Variants in TPTE2 observed in about 807,000 individuals in gnomAD.
TPTE2 encodes the protein phosphatidylinositol 3,4,5-trisphosphate 3-phosphatase TPTE2.
A neutral mutation model predicts 78.6 loss-of-function variants in TPTE2; 53 were observed. The observed-to-expected ratio is 0.67, with a 90% CI of 0.54 to 0.85. TPTE2 has a LOEUF of 0.85. Ranked by LOEUF, TPTE2 falls within the 40% of genes least tolerant of loss-of-function variation. TPTE2 has a pLI of 0.00. For missense variants in TPTE2, 461 were observed against 623.0 expected (o/e 0.74, Z 2.77); for synonymous variants, 175 against 206.2 (o/e 0.85, Z 1.30).
In TPTE2 at chr13:19,422,996, A is replaced by G. The variant is rs933419110; in HGVS notation, c.*66T>C. On this transcript the variant is annotated 3_prime_UTR_variant, in exon 20 of 20. Coordinates refer to ENST00000400230, the Ensembl canonical transcript of TPTE2. ...ATGTGGCAGGGGTTGGAAAGAACAT[A>G]ATTCTTTCCCAGAAGGGGAAGGGGG... The G allele has an allele frequency of 1.9e-6, 3 of 1,585,344 alleles. No individual in the cohort carries two copies. In the African/African-American group the frequency reaches 4.1e-5, roughly 21 times the overall value.
At chr13:19,503,542 A>C (rs1868766098), upstream of TPTE2, among the ~76,000 whole-genome samples, 1 of 151,042 alleles carries the variant, frequency 6.6e-6, no homozygotes, top group Admixed American at 6.7e-5. Flanking sequence ...CCAATGCGTG[A>C]CAGCCTTTGT....
chr13:19,432,571 T>A (rs1249723322), exon 16 of TPTE2: 1 of 1,596,506 alleles, frequency 6.3e-7, no homozygotes, highest in Non-Finnish European at 8.6e-7. Flanking sequence ...ATATCCAACA[T>A]ATCTATTCTG....
chr13:19,434,556 A>G (rs1946810678), intron 15 of TPTE2, among the ~76,000 whole-genome samples: 1 of 152,012 alleles, frequency 6.6e-6, no homozygotes, highest in East Asian at 1.9e-4. Context: ...TTCACCTATC[A>G]CTTTTAGCTT....
rs953907619 is a variant in TPTE2 at position 19,451,048 on chromosome 13, T to C, written c.802+117A>G. The C allele has an allele frequency of 8.0e-6, 10 of 1,257,560 alleles. No individual in the cohort carries two copies. The African/African-American group carries it at 1.5e-4, about 19-fold the overall frequency. 77.9% of individuals were successfully genotyped at this position (1,257,560 alleles called of 1,614,324 possible). On this transcript the variant is annotated intron_variant, in intron 11 of 19. Coordinates refer to ENST00000400230, the Ensembl canonical transcript of TPTE2. Reference sequence around the variant, plus strand: ...TCCAAGATGGGGATTTTTAAATTCATTCCTTGCCACTACCAAATACTTATG... The same window carrying C: ...TCCAAGATGGGGATTTTTAAATTCACTCCTTGCCACTACCAAATACTTATG...
At chr13:19,540,081 T>C (rs562799839), upstream of TPTE2, among the ~76,000 whole-genome samples, 3 of 151,632 alleles carry the variant, frequency 2.0e-5, no homozygotes, top group Admixed American at 2.0e-4. Context: ...GAGGTGGAGG[T>C]TGCAGTGAGC....
chr13:19,436,279 G>C, exon 15 of TPTE2: 2 of 1,613,010 alleles, frequency 1.2e-6, no homozygotes, highest in Admixed American at 1.7e-5. Flanking sequence ...TTATTGGTTC[G>C]CCTTTCTCCA....
chr13:19,516,425 G>A (rs1327081549), intron 1 of TPTE2, among the ~76,000 whole-genome samples: 1 of 152,040 alleles, frequency 6.6e-6, no homozygotes, highest in Admixed American at 6.6e-5. Flanking sequence ...TCAAGCATTG[G>A]GTGTCATCTC....
chr13:19,464,762 T>TA (rs1879156660), intron 9 of TPTE2, among the ~76,000 whole-genome samples: 1 of 152,232 alleles, frequency 6.6e-6, no homozygotes, highest in Non-Finnish European at 1.5e-5. Context: ...GCCATGTACT[T>TA]ATGATGGCCT....
intron 4 of TPTE2, among the ~76,000 whole-genome samples, chr13:19,479,722 G>T (rs1253101902): frequency 6.6e-6 from 1 of 152,098 alleles, no homozygotes; most frequent in African/African-American, 2.4e-5. Context: ...CCAGCACTTT[G>T]GGTGGCCAAG....
intron 14 of TPTE2, among the ~76,000 whole-genome samples, chr13:19,437,634 G>C (rs544608189): frequency 6.6e-6 from 1 of 152,262 alleles, no homozygotes; most frequent in Non-Finnish European, 1.5e-5. Flanking sequence ...GCAGGAATAA[G>C]AGCAGGGCCA....
chr13:19,495,134 C>T (rs1881228988), intron 1 of TPTE2, among the ~76,000 whole-genome samples: 1 of 152,188 alleles, frequency 6.6e-6, no homozygotes, highest in Non-Finnish European at 1.5e-5. Context: ...TTCTCTATCA[C>T]CTCCAATCAC....
chr13:19,483,669 A>G (rs889985430), intron 3 of TPTE2, among the ~76,000 whole-genome samples: 3 of 151,968 alleles, frequency 2.0e-5, no homozygotes, highest in African/African-American at 7.3e-5. Context: ...CCTTTTAACA[A>G]TTTGGGGTTT....
exon 8 of TPTE2, chr13:19,465,564 T>C (rs749222171): frequency 5.1e-6 from 8 of 1,583,432 alleles, no homozygotes; most frequent in African/African-American, 1.4e-5. Context: ...AATGTGTCCA[T>C]CTAACAATAA....
the TPTE2 span, among the ~76,000 whole-genome samples, chr13:19,541,866 C>CT: frequency 1.3e-5 from 2 of 152,008 alleles, no homozygotes; most frequent in African/African-American, 4.8e-5. Context: ...AGTGCTTCCT[C>CT]TTTTTCTGTT....
intron 13 of TPTE2, among the ~76,000 whole-genome samples, chr13:19,448,930 T>C (rs1878006776): frequency 6.6e-6 from 1 of 152,190 alleles, no homozygotes. Context: ...GAATATGTGG[T>C]ATATATAAAT....
At chr13:19,514,460 TAA>T (rs1042552658) in intron 1 of TPTE2, among the ~76,000 whole-genome samples, 12 of 152,180 alleles carry the variant, frequency 7.9e-5, no homozygotes, top group Non-Finnish European at 1.6e-4. Context: ...ATACAAAAAA[TAA>T]AGTCAGATAT....
upstream of TPTE2, among the ~76,000 whole-genome samples, chr13:19,537,857 A>G (rs2034477874): frequency 6.6e-6 from 1 of 152,090 alleles, no homozygotes; most frequent in Admixed American, 6.6e-5. Flanking sequence ...CACCTATCTC[A>G]GCCTCCCAAA....
the TPTE2 span, among the ~76,000 whole-genome samples, chr13:19,556,134 C>T: frequency 5.3e-5 from 8 of 151,952 alleles, no homozygotes; most frequent in Non-Finnish European, 2.9e-5. Context: ...TTCCGATGCA[C>T]GCTTAACCAT....
chr13:19,501,430 C>G (rs1359681032), intron 1 of TPTE2, among the ~76,000 whole-genome samples: 15 of 129,748 alleles, frequency 1.2e-4, no homozygotes, highest in Admixed American at 1.0e-3. Flanking sequence ...ACCAAAACAG[C>G]ATGGTACTGG....
Sources: gnomAD v4.1 joint callset for allele counts (sites outside exome capture counted in the v4.1 genomes callset) on GRCh38, gnomAD v4.1.1 for gene constraint, MANE v1.5 for transcripts, NCBI Gene and HGNC (gene_info 2026-07-23, HGNC 2026-07-21) for gene names.